The following KCND2 variants were observed in gnomAD, a reference collection of about 807,000 sequenced individuals.
The protein encoded by KCND2 is potassium voltage-gated channel subfamily D member 2.
Under a neutral mutation model 54.4 loss-of-function variants are expected in KCND2, and 16 were observed. That is an observed-to-expected ratio of 0.29 (90% CI 0.20 to 0.45). KCND2 has a LOEUF of 0.45. Among genes scored for constraint, KCND2 ranks in the 20% least tolerant of loss-of-function variants. The pLI is 1.00. For missense variants in KCND2, 486 were observed against 824.2 expected, an observed-to-expected ratio of 0.59 and a Z score of 5.02; for synonymous variants, 317 against 310.7, an observed-to-expected ratio of 1.02 and a Z score of -0.21.
At position 120,610,088 on chromosome 7, in the gene KCND2, A is replaced by G. The variant is rs548790444; in HGVS notation, c.1116-122815A>G. Among the ~76,000 whole-genome samples the G allele has an allele frequency of 7.9e-5, 12 of 152,216 alleles. 1 individual carries two copies. In the South Asian group the frequency reaches 2.1e-3, roughly 26 times the overall value. The stretch of plus-strand genomic sequence containing the variant: ...TGAGTGTTATCACATATGTTATTAT[A>G]TTTACTCTTAACAAAACCCCAAATA... On this transcript the variant is annotated intron_variant, in intron 1 of 5. Coordinates refer to ENST00000331113, the MANE Select transcript of KCND2 (RefSeq NM_012281.3).
At chr7:120,492,393 C>A (rs1156241974) in intron 1 of KCND2, among the ~76,000 whole-genome samples, 2 of 151,966 alleles carry the variant, frequency 1.3e-5, no homozygotes, top group South Asian at 2.1e-4. Flanking sequence ...CATGTATGTA[C>A]ATGCATACTC....
intron 1 of KCND2, among the ~76,000 whole-genome samples, chr7:120,498,759 A>T (rs140116828): frequency 6.6e-6 from 1 of 152,154 alleles, no homozygotes; most frequent in African/African-American, 2.4e-5. Flanking sequence ...TGGGTGACAG[A>T]GCGAGACTCC....
chr7:120,678,187 T>C (rs991623374), intron 1 of KCND2, among the ~76,000 whole-genome samples: 1 of 151,546 alleles, frequency 6.6e-6, no homozygotes, highest in African/African-American at 2.4e-5. Context: ...GGTTAGGGGG[T>C]TCTGACCTTA....
intron 1 of KCND2, among the ~76,000 whole-genome samples, chr7:120,489,999 A>C (rs1419282648): frequency 1.3e-5 from 2 of 152,164 alleles, no homozygotes; most frequent in Non-Finnish European, 2.9e-5. Flanking sequence ...TCACTCCAAA[A>C]AAAGGAAGTG....
At chr7:120,453,173 C>T (rs913272281) in intron 1 of KCND2, among the ~76,000 whole-genome samples, 26 of 152,186 alleles carry the variant, frequency 1.7e-4, no homozygotes, top group African/African-American at 5.8e-4. Flanking sequence ...TTTGCTGGTG[C>T]ATGTGTGTAG....
At chr7:120,404,813 C>G (rs1157918529) in intron 1 of KCND2, among the ~76,000 whole-genome samples, 1 of 152,120 alleles carries the variant, frequency 6.6e-6, no homozygotes, top group East Asian at 1.9e-4. Context: ...CTCCTCCTTC[C>G]TTCCCTTTCT....
At chr7:120,351,459 C>A (rs1800404999) in intron 1 of KCND2, among the ~76,000 whole-genome samples, 1 of 149,560 alleles carries the variant, frequency 6.7e-6, no homozygotes, top group Non-Finnish European at 1.5e-5. Flanking sequence ...ATAATCATTA[C>A]AGGCTCTTAC....
At chr7:120,718,929 G>C (rs904452441) in intron 1 of KCND2, among the ~76,000 whole-genome samples, 4 of 152,102 alleles carry the variant, frequency 2.6e-5, no homozygotes, top group African/African-American at 9.7e-5. Flanking sequence ...GAGATAATGA[G>C]AGTGCAGTTA....
intron 1 of KCND2, among the ~76,000 whole-genome samples, chr7:120,375,923 T>A (rs1325697842): frequency 6.6e-6 from 1 of 151,726 alleles, no homozygotes; most frequent in African/African-American, 2.4e-5. Flanking sequence ...GAAAATTAGT[T>A]GTCATAGCAA....
intron 1 of KCND2, among the ~76,000 whole-genome samples, chr7:120,345,608 G>A (rs931109880): frequency 3.3e-5 from 5 of 152,064 alleles, no homozygotes; most frequent in Admixed American, 6.6e-5. Context: ...AATTTGACTA[G>A]GTCTCTCATA....
intron 1 of KCND2, among the ~76,000 whole-genome samples, chr7:120,293,457 A>G (rs1263394270): frequency 6.6e-6 from 1 of 152,036 alleles, no homozygotes; most frequent in Non-Finnish European, 1.5e-5. Flanking sequence ...CTGCTTGACC[A>G]GAGGCTGAGG....
At chr7:120,485,491 A>G (rs991402165) in intron 1 of KCND2, among the ~76,000 whole-genome samples, 1 of 152,146 alleles carries the variant, frequency 6.6e-6, no homozygotes, top group Admixed American at 6.5e-5. Flanking sequence ...CCGGTTTTTC[A>G]CAAAGAAGAT....
In KCND2 at chr7:120,451,199, C is replaced by A. The variant is rs562489800; in HGVS notation, c.1115+175452C>A. On this transcript the variant is annotated intron_variant, in intron 1 of 5. Transcript: ENST00000331113. ...ACTTTATCTAGATTGTTATATGGCC[C>A]CTGAGTCTGCCTGCAATTTGGTTAG... 7.9e-5 allele frequency among the ~76,000 whole-genome samples: 12 copies of A among 152,218 alleles called. No individual in the cohort carries two copies. In the East Asian group the frequency reaches 2.3e-3, roughly 29 times the overall value.
intron 1 of KCND2, among the ~76,000 whole-genome samples, chr7:120,508,817 T>C (rs533824295): frequency 2.0e-5 from 3 of 151,968 alleles, no homozygotes; most frequent in African/African-American, 7.2e-5. Flanking sequence ...ACCGATGCTG[T>C]CACTGAGGCA....
intron 1 of KCND2, among the ~76,000 whole-genome samples, chr7:120,320,788 C>G (rs1048998534): frequency 1.8e-4 from 28 of 152,124 alleles, no homozygotes; most frequent in African/African-American, 6.8e-4. Context: ...GGTGATTGCT[C>G]TGTCGCTAAC....
At chr7:120,369,904 T>C (rs894345940) in intron 1 of KCND2, among the ~76,000 whole-genome samples, 1 of 152,056 alleles carries the variant, frequency 6.6e-6, no homozygotes, top group South Asian at 2.1e-4. Flanking sequence ...CATGAACTTA[T>C]ACATATATCA....
intron 1 of KCND2, among the ~76,000 whole-genome samples, chr7:120,688,687 A>G (rs1451921204): frequency 1.3e-5 from 2 of 152,192 alleles, no homozygotes; most frequent in African/African-American, 4.8e-5. Context: ...TACCATGTCT[A>G]TCATCCTCAG....
chr7:120,389,381 C>T (rs559848618), intron 1 of KCND2, among the ~76,000 whole-genome samples: 1 of 151,766 alleles, frequency 6.6e-6, no homozygotes, highest in African/African-American at 2.4e-5. Context: ...TGGCAAAAGT[C>T]CCTAAAATCC....
At position 120,675,538 on chromosome 7, in the gene KCND2, G is replaced by A. The variant is rs1276060720; in HGVS notation, c.1116-57365G>A. On this transcript the variant is annotated intron_variant, in intron 1 of 5. Coordinates refer to ENST00000331113, the MANE Select transcript of KCND2 (RefSeq NM_012281.3). ...AGCGTGAGCCACTGCACCCTGCCAA[G>A]TTTCTACTGTTTCTTAATGGTGAAT... Among the ~76,000 whole-genome samples, 4 of 151,966 alleles carry A rather than the reference G, an allele frequency of 2.6e-5. No homozygotes were observed. The East Asian group carries it at 5.8e-4, about 22-fold the overall frequency.
Sources: gnomAD v4.1 joint callset for allele counts (sites outside exome capture counted in the v4.1 genomes callset) on GRCh38, gnomAD v4.1.1 for gene constraint, MANE v1.5 for transcripts, NCBI Gene and HGNC (gene_info 2026-07-23, HGNC 2026-07-21) for gene names.